The following FRMPD1 variants were observed in gnomAD, a reference collection of about 807,000 sequenced individuals.
The protein encoded by FRMPD1 is FERM and PDZ domain-containing protein 1.
Under a neutral mutation model 117.8 loss-of-function variants are expected in FRMPD1, and 76 were observed. The ratio of observed to expected loss-of-function variants is 0.65; its 90% confidence interval spans 0.54 to 0.78. The LOEUF (loss-of-function observed/expected upper bound fraction) is 0.78. Ranked by LOEUF, FRMPD1 falls within the 30% of genes least tolerant of loss-of-function variation. The pLI, the probability that FRMPD1 is intolerant of heterozygous loss-of-function variation, is 0.00. For missense variants in FRMPD1, 1,786 were observed against 1,964.5 expected, an observed-to-expected ratio of 0.91 and a Z score of 1.72; for synonymous variants, 783 against 770.4, an observed-to-expected ratio of 1.02 and a Z score of -0.27.
chr9:37,653,501 A>C (rs148913668), intron 1 of FRMPD1, among the ~76,000 whole-genome samples: 1 of 152,298 alleles, frequency 6.6e-6, no homozygotes, highest in East Asian at 1.9e-4. Context: ...GAAGGTGTTC[A>C]GATCAGATAC....
the FRMPD1 span, among the ~76,000 whole-genome samples, chr9:37,629,447 C>G: frequency 6.6e-6 from 1 of 152,134 alleles, no homozygotes; most frequent in Non-Finnish European, 1.5e-5. Flanking sequence ...GGGGGCTGCT[C>G]TATATGGAGT....
At chr9:37,664,924 G>A (rs1821117123) in intron 1 of FRMPD1, among the ~76,000 whole-genome samples, 1 of 152,174 alleles carries the variant, frequency 6.6e-6, no homozygotes, top group Admixed American at 6.5e-5. Context: ...AACTTGTATA[G>A]TCTTTCACCC....
chr9:37,710,396 G>C (rs1822861257), intron 4 of FRMPD1, among the ~76,000 whole-genome samples: 1 of 152,170 alleles, frequency 6.6e-6, no homozygotes, highest in South Asian at 2.1e-4. Context: ...GATTTTCTCT[G>C]TTCTGGCCGC....
the FRMPD1 span, among the ~76,000 whole-genome samples, chr9:37,603,421 CA>C: frequency 6.6e-6 from 1 of 151,882 alleles, no homozygotes; most frequent in Non-Finnish European, 1.5e-5. Flanking sequence ...CAAACAAAGC[CA>C]AAAAAACGAG....
the FRMPD1 span, among the ~76,000 whole-genome samples, chr9:37,622,497 T>C: frequency 1.3e-5 from 2 of 152,210 alleles, no homozygotes; most frequent in Non-Finnish European, 2.9e-5. Context: ...GTTTAGTCCC[T>C]CACAGGGCAT....
chr9:37,619,484 G>A, the FRMPD1 span, among the ~76,000 whole-genome samples: 1 of 152,182 alleles, frequency 6.6e-6, no homozygotes, highest in African/African-American at 2.4e-5. Flanking sequence ...CAAGGCCAGT[G>A]CAGTGGCTCA....
intron 1 of FRMPD1, among the ~76,000 whole-genome samples, chr9:37,654,726 G>T (rs963145754): frequency 1.6e-4 from 24 of 152,218 alleles, no homozygotes; most frequent in African/African-American, 5.8e-4. Flanking sequence ...GGCCTGAAGG[G>T]GCTTGGTGCA....
At chr9:37,682,164 G>A (rs1214774548) in intron 1 of FRMPD1, among the ~76,000 whole-genome samples, 1 of 152,214 alleles carries the variant, frequency 6.6e-6, no homozygotes, top group East Asian at 1.9e-4. Flanking sequence ...TTACTTGACA[G>A]GAGAAGAATG....
intron 1 of FRMPD1, among the ~76,000 whole-genome samples, chr9:37,659,886 G>A (rs1820944811): frequency 7.0e-6 from 1 of 142,560 alleles, no homozygotes; most frequent in Non-Finnish European, 1.5e-5. Context: ...AGAGTGCGCT[G>A]CTTTGTTTGC....
At chr9:37,665,103 T>C (rs1043986073) in intron 1 of FRMPD1, among the ~76,000 whole-genome samples, 23 of 152,176 alleles carry the variant, frequency 1.5e-4, no homozygotes, top group African/African-American at 5.5e-4. Context: ...TAAACAATAA[T>C]GTTGTAGAAT....
At chr9:37,605,042 G>A in the FRMPD1 span, among the ~76,000 whole-genome samples, 2,626 of 152,324 alleles carry the variant, frequency 0.017, 78 homozygotes, top group African/African-American at 0.06. Context: ...ACATTGTGGA[G>A]CTGGAATACA....
At chr9:37,701,494 C>CGT (rs780466064) in intron 2 of FRMPD1, among the ~76,000 whole-genome samples, 2 of 124,932 alleles carry the variant, frequency 1.6e-5, no homozygotes, top group African/African-American at 5.7e-5. Context: ...TGTGTGCGCG[C>CGT]GTGTGTGTGC....
the FRMPD1 span, among the ~76,000 whole-genome samples, chr9:37,612,597 C>T: frequency 6.6e-6 from 1 of 150,442 alleles, no homozygotes; most frequent in Non-Finnish European, 1.5e-5. Context: ...CAGCTCACTG[C>T]AACTTCTGCC....
At chr9:37,713,906 G>A (rs772924260) in intron 5 of FRMPD1, among the ~76,000 whole-genome samples, 2 of 152,212 alleles carry the variant, frequency 1.3e-5, no homozygotes, top group Admixed American at 6.5e-5. Context: ...TGGAACAAAG[G>A]TGATTTGATT....
Position 37,670,888 on chromosome 9 carries a change from T to C in FRMPD1, c.-5+19794T>C, listed in dbSNP as rs115728817. On this transcript the variant is annotated intron_variant, in intron 1 of 15. Coordinates refer to ENST00000377765, the MANE Select transcript of FRMPD1 (RefSeq NM_014907.3). ...GTAATTGCCTTTCTTCTGGTGATCG[T>C]TGGATTTTGAAATAAGCATCCAGGG... 4.2e-3 allele frequency among the ~76,000 whole-genome samples: 633 copies of C among 152,324 alleles called. 4 individuals are homozygous for C. Among genetic ancestry groups the C allele is most frequent in the African/African-American group, 0.014 (597 of 41,566 alleles).
rs766959270 is a variant in FRMPD1, at chr9:37,708,454, T to A, written c.315T>A (p.Asn105Lys). ...FPGDQILQMN[N>K]EPAEDLSWER... ...GTGATCAGATCCTCCAAATGAACAA[T>A]GAGCCTGCTGAAGACCTTTCCTGGG... The change falls in exon 4 of 16, where the codon AAT (asparagine) becomes AAA (lysine). Residue 105 changes from asparagine to lysine, a missense_variant. By Grantham distance (94) the Asn-to-Lys change is moderately conservative. Transcript: ENST00000377765. 1.2e-6 allele frequency: 2 copies of A among 1,613,458 alleles called. No homozygotes were observed. Among genetic ancestry groups the A allele is most frequent in the Non-Finnish European group, 1.7e-6 (2 of 1,179,332 alleles).
At position 37,672,176 on chromosome 9, in the gene FRMPD1, C is replaced by T. The variant is rs531191898; in HGVS notation, c.-4-20462C>T. ...ATACTAAAAACCATTGACTTGTGTA[C>T]TTTAAATTGGTAAATTGTATGCTAT... On this transcript the variant is annotated intron_variant, in intron 1 of 15. Coordinates refer to ENST00000377765, the MANE Select transcript of FRMPD1 (RefSeq NM_014907.3). Among the ~76,000 whole-genome samples, 5 of 152,284 alleles carry T rather than the reference C, an allele frequency of 3.3e-5. No individual in the cohort carries two copies. The South Asian group carries it at 1.0e-3, about 32-fold the overall frequency.
the FRMPD1 span, among the ~76,000 whole-genome samples, chr9:37,609,450 T>G: frequency 6.6e-6 from 1 of 152,180 alleles, no homozygotes. Context: ...GCCCAAAACC[T>G]TGGAGTCATC....
At chr9:37,606,372 T>C in the FRMPD1 span, among the ~76,000 whole-genome samples, 1 of 152,226 alleles carries the variant, frequency 6.6e-6, no homozygotes, top group Non-Finnish European at 1.5e-5. Flanking sequence ...GAAAGTGATG[T>C]CTGATTTGCT....
Sources: allele counts gnomAD v4.1 joint callset (sites outside exome capture counted in the v4.1 genomes callset), GRCh38; gene constraint gnomAD v4.1.1; transcripts MANE v1.5; gene names NCBI Gene and HGNC (gene_info 2026-07-23, HGNC 2026-07-21).